Variants in MMP15 observed in about 807,000 individuals in gnomAD.
MMP15 encodes the protein matrix metallopeptidase 15.
MMP15 carries 36 observed loss-of-function variants against 65.0 expected under a neutral mutation model. The observed-to-expected ratio is 0.55, with a 90% CI of 0.42 to 0.73. MMP15 has a LOEUF of 0.73. MMP15 is among the 30% of genes least tolerant of loss of function. The pLI, the probability that MMP15 is intolerant of heterozygous loss-of-function variation, is 0.00. For missense variants in MMP15, 870 were observed against 987.8 expected, an observed-to-expected ratio of 0.88 and a Z score of 1.60; for synonymous variants, 428 against 410.2, an observed-to-expected ratio of 1.04 and a Z score of -0.52.
chr16:58,034,643 AG>A (rs1375084009), intron 1 of MMP15, among the ~76,000 whole-genome samples: 1 of 152,098 alleles, frequency 6.6e-6, no homozygotes, highest in Non-Finnish European at 1.5e-5. Flanking sequence ...ACCACCCCCC[AG>A]CTTCCCCAAT....
rs41354352 is a variant in MMP15, at chr16:58,035,663, G to A, written c.163-1809G>A. ...AGATAAGGAGGTGGAGTGACACCTC[G>A]GAAATAGCCAAGCCAGGGTCTGCCT... On this transcript the variant is annotated intron_variant, in intron 1 of 9. Coordinates refer to ENST00000219271, the MANE Select transcript of MMP15 (RefSeq NM_002428.4). Among the ~76,000 whole-genome samples the A allele has an allele frequency of 3.1e-3, 479 of 152,280 alleles. 3 individuals carry two copies. The highest frequency in any genetic ancestry group is 0.011 in the African/African-American group (441 of 41,566).
intron 1 of MMP15, among the ~76,000 whole-genome samples, chr16:58,032,234 C>T (rs977738918): frequency 2.0e-5 from 3 of 152,218 alleles, no homozygotes; most frequent in African/African-American, 7.2e-5. Flanking sequence ...CTTGGTGGGT[C>T]GGAGTGATGA....
Position 58,043,283 on chromosome 16 carries a change from G to A in MMP15, c.1377G>A (p.Leu459=). ...CACAGCCGCTGACCAGCTATGGCCT[G>A]GGCATCCCCTATGACCGCATTGACA... ...GYPQPLTSYG[L]GIPYDRIDTA... Residue 459 remains leucine, a synonymous_variant, in exon 8 of 10, where the codon CTG becomes CTA. Transcript: ENST00000219271. 6.2e-7 allele frequency: 1 copy of A among 1,602,908 alleles called. No homozygotes were observed. The highest frequency in any genetic ancestry group is 1.3e-5 in the African/African-American group (1 of 74,816).
chr16:58,034,599 TTGAG>T (rs1756112809), intron 1 of MMP15, among the ~76,000 whole-genome samples: 2 of 152,280 alleles, frequency 1.3e-5, no homozygotes, highest in South Asian at 2.1e-4. Flanking sequence ...ATCCAGAGGT[TTGAG>T]TGGTCTGCGC....
At chr16:58,027,659 T>C (rs1963841425) in intron 1 of MMP15, among the ~76,000 whole-genome samples, 1 of 152,098 alleles carries the variant, frequency 6.6e-6, no homozygotes, top group African/African-American at 2.4e-5. Context: ...ATTTTTCCGA[T>C]GGAAGCTTGC....
intron 1 of MMP15, among the ~76,000 whole-genome samples, chr16:58,035,183 G>T (rs1272875402): frequency 6.6e-6 from 1 of 152,194 alleles, no homozygotes; most frequent in African/African-American, 2.4e-5. Context: ...TTTAAGGATG[G>T]TGGATCTGCT....
In MMP15 at chr16:58,043,510, A is replaced by G; in HGVS notation, c.1455-2A>G. ...TCCACAGCCTGGTGCTTTTGTTCACAGGTACTGGCGCTTCAACGAGGAGAC... is the reference window on the plus strand; with the variant it reads ...TCCACAGCCTGGTGCTTTTGTTCACGGGTACTGGCGCTTCAACGAGGAGAC... On this transcript the variant is annotated splice_acceptor_variant, in intron 8 of 9. Transcript: ENST00000219271. LOFTEE classifies it high-confidence loss of function. 1 of 1,613,792 alleles carries G rather than the reference A, an allele frequency of 6.2e-7. No individual in the cohort carries two copies. The highest frequency in any genetic ancestry group is 8.5e-7 in the Non-Finnish European group (1 of 1,179,820).
Position 58,041,668 on chromosome 16 carries a change from C to T in MMP15, c.962C>T (p.Pro321Leu), listed in dbSNP as rs1403069152. 4.4e-6 allele frequency: 7 copies of T among 1,580,590 alleles called. No homozygotes were observed. Among genetic ancestry groups the T allele is most frequent in the African/African-American group, 1.4e-5 (1 of 73,912 alleles). The change falls in exon 6 of 10, where the codon CCA (proline) becomes CTA (leucine). Residue 321 changes from proline to leucine, a missense_variant. Transcript: ENST00000219271. ...QPTQPLPTVT[P>L]RRPGRPDHRP... Reference sequence around the variant, plus strand: ...ACCCAGCCTCTCCCCACTGTGACGCCACGGCGGCCAGGCCGGCCTGACCAC... The same window carrying T: ...ACCCAGCCTCTCCCCACTGTGACGCTACGGCGGCCAGGCCGGCCTGACCAC...
At position 58,026,575 on chromosome 16, in the gene MMP15, C is replaced by A; in HGVS notation, c.162+63C>A. On this transcript the variant is annotated intron_variant, in intron 1 of 9. Transcript: ENST00000219271. ...GGCTTGGAGGGAGAGGCGCCACGTC[C>A]GCAGGCTGGGACTTGGAGGTGGAGG... The A allele has an allele frequency of 5.5e-6, 7 of 1,278,784 alleles. No homozygotes were observed. The South Asian group carries it at 1.7e-4, about 31-fold the overall frequency. The allele number at this position is 1,278,784 out of a possible 1,614,324, so 79.2% of individuals were successfully genotyped here. A position where few individuals can be genotyped will look rare whatever the true frequency, so the allele number is the denominator to read the frequency against.
intron 2 of MMP15, among the ~76,000 whole-genome samples, chr16:58,037,955 C>T (rs966479170): frequency 6.6e-6 from 1 of 152,128 alleles, no homozygotes; most frequent in African/African-American, 2.4e-5. Flanking sequence ...AGTGACATGA[C>T]CTAAAGCCAT....
chr16:58,037,378 G>C, intron 1 of MMP15, 94 bp from the exon 2 acceptor site: 1 of 1,494,230 alleles, frequency 6.7e-7, no homozygotes, highest in South Asian at 1.3e-5. Context: ...TAGAGCAGCG[G>C]TGGTGGAGGT....
intron 1 of MMP15, among the ~76,000 whole-genome samples, chr16:58,031,289 T>G (rs1963887003): frequency 6.6e-6 from 1 of 152,108 alleles, no homozygotes; most frequent in African/African-American, 2.4e-5. Flanking sequence ...CTGTGGAAAT[T>G]CCACCAGGCA....
intron 7 of MMP15, among the ~76,000 whole-genome samples, chr16:58,042,708 G>A (rs1478881282): frequency 2.6e-5 from 4 of 152,218 alleles, no homozygotes; most frequent in African/African-American, 7.2e-5. Context: ...GATTTCTGTG[G>A]TCTGTCTGCA....
intron 1 of MMP15, among the ~76,000 whole-genome samples, chr16:58,031,038 G>C (rs542896693): frequency 2.0e-5 from 3 of 152,128 alleles, no homozygotes; most frequent in Non-Finnish European, 2.9e-5. Context: ...ACACAGACTA[G>C]GGATGTTTTG....
At chr16:58,031,157 C>T (rs1038234538) in intron 1 of MMP15, among the ~76,000 whole-genome samples, 2 of 152,120 alleles carry the variant, frequency 1.3e-5, no homozygotes, top group African/African-American at 2.4e-5. Context: ...AAATGACCCC[C>T]GCATTCCATA....
At chr16:58,036,205 C>T (rs1959329063) in intron 1 of MMP15, among the ~76,000 whole-genome samples, 1 of 152,190 alleles carries the variant, frequency 6.6e-6, no homozygotes, top group Non-Finnish European at 1.5e-5. Context: ...AGGTCCAGGG[C>T]AGCCCCTGGC....
In MMP15 at chr16:58,045,064, G is replaced by A. The variant is rs148956674; in HGVS notation, c.1628G>A (p.Arg543Gln). ...TGGAAATTCGACAATGAGCGCCTGC[G>A]GATGGAGCCCGGCTACCCCAAGTCC... is the stretch of plus-strand genomic sequence containing the variant. ...KYWKFDNERLRMEPGYPKSIL... is the reference protein window; with the variant it reads ...KYWKFDNERLQMEPGYPKSIL... Residue 543 changes from arginine to glutamine, a missense_variant, in exon 10 of 10, where the codon CGG (arginine) becomes CAG (glutamine). By Grantham distance (43) the Arg-to-Gln change is conservative. Coordinates refer to ENST00000219271, the MANE Select transcript of MMP15 (RefSeq NM_002428.4). The A allele has an allele frequency of 7.4e-5, 119 of 1,613,364 alleles. 1 individual carries two copies. The highest frequency in any genetic ancestry group is 3.3e-4 in the Middle Eastern group (2 of 6,060).
intron 1 of MMP15, among the ~76,000 whole-genome samples, chr16:58,034,248 C>T (rs565301659): frequency 1.3e-5 from 2 of 152,302 alleles, no homozygotes; most frequent in East Asian, 1.9e-4. Context: ...ACTGGGATTG[C>T]GAGTCATGAC....
chr16:58,041,330 C>T (rs1423932739), intron 5 of MMP15, among the ~76,000 whole-genome samples: 1 of 152,182 alleles, frequency 6.6e-6, no homozygotes, highest in Non-Finnish European at 1.5e-5. Context: ...GGGCCTGGAG[C>T]CTCTGCTGGA....
Sources: allele counts gnomAD v4.1 joint callset (sites outside exome capture counted in the v4.1 genomes callset), GRCh38; gene constraint gnomAD v4.1.1; transcripts MANE v1.5; gene names NCBI Gene and HGNC (gene_info 2026-07-23, HGNC 2026-07-21).